MGA: variants seen among roughly 807,000 people sequenced by gnomAD.
MGA encodes MAX gene-associated protein.
Under a neutral mutation model 261.1 loss-of-function variants are expected in MGA, and 40 were observed. The ratio of observed to expected loss-of-function variants is 0.15; its 90% CI spans 0.12 to 0.20. MGA has a LOEUF of 0.20. MGA is among the 10% of genes least tolerant of loss of function. MGA has a pLI of 1.00. For synonymous variants in MGA, 1,302 were observed against 1,290.6 expected, an observed-to-expected ratio of 1.01 and a Z score of -0.19; for missense variants, 3,397 against 3,630.5, an observed-to-expected ratio of 0.94 and a Z score of 1.65.
chr15:41,765,557 C>G (rs1014536896), intron 23 of MGA, among the ~76,000 whole-genome samples: 1 of 152,124 alleles, frequency 6.6e-6, no homozygotes, highest in African/African-American at 2.4e-5. Context: ...ATATTAGGAT[C>G]CTGGTTACTT....
intron 2 of MGA, chr15:41,684,681 T>C (rs2058854291): frequency 5.5e-6 from 1 of 183,220 alleles, no homozygotes; most frequent in South Asian, 1.1e-4. Flanking sequence ...GATAAAAAAT[T>C]TTTTTCTACA....
intron 15 of MGA, among the ~76,000 whole-genome samples, chr15:41,745,233 A>G (rs1302223952): frequency 3.5e-5 from 5 of 141,968 alleles, no homozygotes; most frequent in African/African-American, 1.3e-4. Flanking sequence ...CTATTGTCCT[A>G]TGACCCTGCC....
At chr15:41,686,177 C>T (rs1302876049) in intron 2 of MGA, among the ~76,000 whole-genome samples, 2 of 152,058 alleles carry the variant, frequency 1.3e-5, no homozygotes, top group Non-Finnish European at 2.9e-5. Context: ...TGTTCTCTCT[C>T]TTGCTTTATT....
intron 9 of MGA, among the ~76,000 whole-genome samples, chr15:41,724,005 G>A (rs557026955): frequency 6.7e-6 from 1 of 150,312 alleles, no homozygotes; most frequent in Non-Finnish European, 1.5e-5. Flanking sequence ...GTATTTTGTA[G>A]CTATTATTTC....
chr15:41,701,726 A>G (rs2059864290), intron 5 of MGA, among the ~76,000 whole-genome samples: 1 of 152,160 alleles, frequency 6.6e-6, no homozygotes, highest in Admixed American at 6.5e-5. Flanking sequence ...GGTGGCAGCT[A>G]ATAGTTTTTT....
In MGA at chr15:41,767,270, C is replaced by T. The variant is rs770052183; in HGVS notation, c.9188C>T (p.Ala3063Val). 7 of 1,609,172 alleles carry T rather than the reference C, an allele frequency of 4.4e-6. No individual in the cohort carries two copies. ...AACTCGGGGGCCTCACCAAGTTCTG[C>T]AGGGAAATGAACTTACTTGTCCTTA... Residue 3063 changes from alanine to valine, a missense_variant, in exon 24 of 24, where the codon GCA (alanine) becomes GTA (valine). By Grantham distance (64) the Ala-to-Val change is moderately conservative. Around this residue, in one of 9 missense-constraint regions of MGA, gnomAD observed 647 missense variants for 642.4 expected, o/e 1.01. Transcript: ENST00000219905.
chr15:41,655,939 A>G (rs1392277523), upstream of MGA, among the ~76,000 whole-genome samples: 1 of 152,240 alleles, frequency 6.6e-6, no homozygotes. Flanking sequence ...AGACTTGCCT[A>G]AAAAATGAGG....
chr15:41,710,129 CCT>C (rs1490053261), intron 7 of MGA, among the ~76,000 whole-genome samples: 4 of 152,002 alleles, frequency 2.6e-5, no homozygotes, highest in Non-Finnish European at 5.9e-5. Flanking sequence ...GCACAGGCTC[CCT>C]GTTACGTTTT....
intron 13 of MGA, among the ~76,000 whole-genome samples, chr15:41,738,761 G>T (rs887390724): frequency 1.5e-4 from 23 of 152,160 alleles, no homozygotes; most frequent in Non-Finnish European, 1.8e-4. Flanking sequence ...CCGGGAGGGG[G>T]TATCTGACCT....
intron 2 of MGA, among the ~76,000 whole-genome samples, chr15:41,689,940 C>T (rs2059180772): frequency 6.6e-6 from 1 of 152,158 alleles, no homozygotes; most frequent in Non-Finnish European, 1.5e-5. Flanking sequence ...ATAAAATCTA[C>T]ATAAAATTCA....
rs757251963 is a variant in MGA at position 41,710,866 on chromosome 15, A to G, written c.2601A>G (p.Thr867=). The G allele has an allele frequency of 4.3e-6, 7 of 1,613,974 alleles. No individual in the cohort carries two copies. Among genetic ancestry groups the G allele is most frequent in the Non-Finnish European group, 5.1e-6 (6 of 1,179,870 alleles). ...CTAAGAGTACCAGTTATGTACGAAC[A>G]CTTGATAGTGTACTAAAGAAGCAAT... The change falls in exon 8 of 24, where the codon ACA becomes ACG. Residue 867 remains threonine, a synonymous_variant. Coordinates refer to ENST00000219905, the MANE Select transcript of MGA (RefSeq NM_001164273.2).
intron 9 of MGA, among the ~76,000 whole-genome samples, chr15:41,721,336 G>A (rs1436292426): frequency 6.6e-6 from 1 of 151,836 alleles, no homozygotes; most frequent in Non-Finnish European, 1.5e-5. Context: ...GGTGTGATAG[G>A]GTGTGCCTCT....
At chr15:41,644,346 CAAAAAAAA>C (rs34743222) in intron 1 of MGA, among the ~76,000 whole-genome samples, 5 of 65,698 alleles carry the variant, frequency 7.6e-5, no homozygotes, top group African/African-American at 2.9e-4. Context: ...CCATCTGTAC[CAAAAAAAA>C]AAAAAAAAAA....
At chr15:41,686,025 AT>A (rs201639519) in intron 2 of MGA, among the ~76,000 whole-genome samples, 2 of 149,328 alleles carry the variant, frequency 1.3e-5, no homozygotes. Context: ...AAAAATAATA[AT>A]AATAATTTCC....
chr15:41,687,111 C>G (rs1244027121), intron 2 of MGA, among the ~76,000 whole-genome samples: 1 of 151,848 alleles, frequency 6.6e-6, no homozygotes, highest in Non-Finnish European at 1.5e-5. Context: ...CAAATCATGA[C>G]TTCAAGTTCT....
rs1415535682 is a variant in MGA at position 41,736,482 on chromosome 15, T to C, written c.4218T>C (p.Asp1406=). The change falls in exon 13 of 24, where the codon GAT becomes GAC. Residue 1406 remains aspartate, a synonymous_variant. Coordinates refer to ENST00000219905, the MANE Select transcript of MGA (RefSeq NM_001164273.2). The stretch of plus-strand genomic sequence containing the variant: ...CTATGCCATCATGTCAAGACCAAGA[T>C]GATATGGCTGAGAAATCTGGATCAG... 6.2e-7 allele frequency: 1 copy of C among 1,614,024 alleles called. No homozygotes were observed. Among genetic ancestry groups the C allele is most frequent in the South Asian group, 1.1e-5 (1 of 91,080 alleles).
chr15:41,715,793 G>C (rs533090659), intron 9 of MGA, among the ~76,000 whole-genome samples: 94 of 152,202 alleles, frequency 6.2e-4, no homozygotes, highest in Non-Finnish European at 1.1e-3. Flanking sequence ...TGATCTTTGT[G>C]TAAATAAGAT....
intron 10 of MGA, among the ~76,000 whole-genome samples, chr15:41,728,500 T>TGTA (rs1490419309): frequency 6.6e-6 from 1 of 152,240 alleles, no homozygotes; most frequent in Non-Finnish European, 1.5e-5. Flanking sequence ...TTTTGTTATA[T>TGTA]GTAGTATATA....
chr15:41,653,080 G>GT (rs2057100384), intron 1 of MGA, among the ~76,000 whole-genome samples: 1 of 152,066 alleles, frequency 6.6e-6, no homozygotes, highest in Admixed American at 6.5e-5. Context: ...TTTTAAAACA[G>GT]GTGTAGCTGG....
Sources: gnomAD v4.1 joint callset for allele counts (sites outside exome capture counted in the v4.1 genomes callset) on GRCh38, gnomAD v4.1.1 for gene constraint, gnomAD v4.1.1 regional missense constraint, MANE v1.5 for transcripts, NCBI Gene and HGNC (gene_info 2026-07-23, HGNC 2026-07-21) for gene names.